TMEM178B: variants seen among roughly 807,000 people sequenced by gnomAD.
The protein encoded by TMEM178B is transmembrane protein 178B.
A neutral mutation model predicts 31.0 loss-of-function variants in TMEM178B; 5 were observed. The ratio of observed to expected loss-of-function variants is 0.16; its 90% CI spans 0.08 to 0.34. The LOEUF (loss-of-function observed/expected upper bound fraction) is 0.34, where lower values mean the gene tolerates loss of function less well. Ranked by LOEUF, TMEM178B falls within the 10% of genes least tolerant of loss-of-function variation. The pLI is 1.00. For synonymous variants in TMEM178B, 164 were observed against 164.0 expected (o/e 1.00, Z 0.00); for missense variants, 275 against 400.3 (o/e 0.69, Z 2.67).
intron 1 of TMEM178B, among the ~76,000 whole-genome samples, chr7:141,127,275 G>A (rs759598136): frequency 2.0e-5 from 3 of 152,122 alleles, no homozygotes; most frequent in Non-Finnish European, 4.4e-5. Flanking sequence ...GACTCACCTG[G>A]GAACTGTTTT....
At chr7:141,345,010 G>T (rs1200482980) in intron 2 of TMEM178B, among the ~76,000 whole-genome samples, 1 of 152,196 alleles carries the variant, frequency 6.6e-6, no homozygotes, top group Non-Finnish European at 1.5e-5. Flanking sequence ...CTTTTATGAA[G>T]AGATTAAAAC....
intron 1 of TMEM178B, among the ~76,000 whole-genome samples, chr7:141,157,499 C>T (rs1297048651): frequency 6.6e-6 from 1 of 151,938 alleles, no homozygotes; most frequent in Non-Finnish European, 1.5e-5. Flanking sequence ...CTCAAAGCAC[C>T]CAGGGACAAT....
chr7:141,181,630 A>G (rs1360287192), intron 1 of TMEM178B, among the ~76,000 whole-genome samples: 1 of 152,218 alleles, frequency 6.6e-6, no homozygotes, highest in Non-Finnish European at 1.5e-5. Flanking sequence ...CAAATCTGCA[A>G]TTAGCATTAA....
chr7:141,289,927 G>T (rs1798517607), intron 2 of TMEM178B, among the ~76,000 whole-genome samples: 1 of 151,848 alleles, frequency 6.6e-6, no homozygotes, highest in Admixed American at 6.6e-5. Context: ...TTAAGGCCAA[G>T]AATTAGAGGC....
intron 3 of TMEM178B, among the ~76,000 whole-genome samples, chr7:141,452,496 C>T (rs78853076): frequency 0.049 from 7,529 of 152,262 alleles, 396 homozygotes; most frequent in East Asian, 0.21. Context: ...CAATTGCCAG[C>T]ATCTGCCAAT....
chr7:141,108,983 T>C (rs1795191468), intron 1 of TMEM178B, among the ~76,000 whole-genome samples: 1 of 152,012 alleles, frequency 6.6e-6, no homozygotes, highest in South Asian at 2.1e-4. Flanking sequence ...AGAGAGAGAA[T>C]GAGAGCCAAG....
chr7:141,466,525 A>G (rs183063208), intron 3 of TMEM178B, among the ~76,000 whole-genome samples: 87 of 152,348 alleles, frequency 5.7e-4, no homozygotes, highest in African/African-American at 2.1e-3. Context: ...CTTGAGGTTG[A>G]CGTCCTGTTT....
At chr7:141,347,239 G>A (rs1182587372) in intron 2 of TMEM178B, among the ~76,000 whole-genome samples, 1 of 152,170 alleles carries the variant, frequency 6.6e-6, no homozygotes, top group Non-Finnish European at 1.5e-5. Context: ...ATAAAGAAAA[G>A]AGAGGTGTGT....
intron 1 of TMEM178B, among the ~76,000 whole-genome samples, chr7:141,100,536 AATC>A (rs1295677810): frequency 6.6e-6 from 1 of 152,194 alleles, no homozygotes; most frequent in East Asian, 1.9e-4. Flanking sequence ...CTGGCTCCCT[AATC>A]ATCATGTGTT....
chr7:141,228,935 C>G (rs1049420797), intron 2 of TMEM178B, among the ~76,000 whole-genome samples: 1 of 150,396 alleles, frequency 6.6e-6, no homozygotes, highest in Non-Finnish European at 1.5e-5. Context: ...CTTTCCAAGA[C>G]TATAATTCAT....
At position 141,433,045 on chromosome 7, in the gene TMEM178B, T is replaced by C. The variant is rs989410177; in HGVS notation, c.497-4563T>C. 3.9e-5 allele frequency among the ~76,000 whole-genome samples: 6 copies of C among 152,282 alleles called. No individual in the cohort carries two copies. In the South Asian group the frequency reaches 8.3e-4, roughly 21 times the overall value. On this transcript the variant is annotated intron_variant, in intron 2 of 3. Transcript: ENST00000565468. ...TCAATGCTAAAACTCAACATCCATA[T>C]GCACACAGTCCGTAACTCCATCAGG...
At chr7:141,143,737 T>C (rs1795810312) in intron 1 of TMEM178B, among the ~76,000 whole-genome samples, 1 of 152,220 alleles carries the variant, frequency 6.6e-6, no homozygotes, top group African/African-American at 2.4e-5. Context: ...TAATAGTTTT[T>C]TTCTAGTCTG....
chr7:141,360,238 A>C (rs1799894417), intron 2 of TMEM178B, among the ~76,000 whole-genome samples: 1 of 152,206 alleles, frequency 6.6e-6, no homozygotes, highest in African/African-American at 2.4e-5. Flanking sequence ...AGATAAGGAT[A>C]GGGAAGGGAA....
chr7:141,399,907 A>G (rs1800729898), intron 2 of TMEM178B, among the ~76,000 whole-genome samples: 1 of 152,104 alleles, frequency 6.6e-6, no homozygotes, highest in Non-Finnish European at 1.5e-5. Context: ...CTATATTTGA[A>G]AATAAGTGCA....
At chr7:141,373,849 C>A (rs1800162798) in intron 2 of TMEM178B, among the ~76,000 whole-genome samples, 1 of 152,164 alleles carries the variant, frequency 6.6e-6, no homozygotes, top group African/African-American at 2.4e-5. Context: ...ATATTTAAAC[C>A]TCTGCTCAGG....
intron 1 of TMEM178B, among the ~76,000 whole-genome samples, chr7:141,186,574 C>T (rs1796612883): frequency 6.6e-6 from 1 of 152,130 alleles, no homozygotes; most frequent in African/African-American, 2.4e-5. Flanking sequence ...CTTATAGTCC[C>T]CTCTTCACTT....
intron 1 of TMEM178B, among the ~76,000 whole-genome samples, chr7:141,087,790 GATC>G (rs1453650222): frequency 6.6e-6 from 1 of 152,196 alleles, no homozygotes; most frequent in Non-Finnish European, 1.5e-5. Flanking sequence ...CTTATGTTAA[GATC>G]ATGTGTTTCT....
At chr7:141,401,661 C>A (rs906246643) in intron 2 of TMEM178B, among the ~76,000 whole-genome samples, 1 of 152,094 alleles carries the variant, frequency 6.6e-6, no homozygotes, top group African/African-American at 2.4e-5. Flanking sequence ...CCAACTTGGC[C>A]TCCTAAAGTG....
rs537664261 is a variant in TMEM178B at position 141,242,809 on chromosome 7, C to T, written c.496+30105C>T. On this transcript the variant is annotated intron_variant, in intron 2 of 3. Transcript: ENST00000565468. Reference sequence around the variant, plus strand: ...TTGCTCACCTCTGCCTCCCAGAGTGCGGGGGTTACAGGCATGAGCCACCGT... The same window carrying T: ...TTGCTCACCTCTGCCTCCCAGAGTGTGGGGGTTACAGGCATGAGCCACCGT... Among the ~76,000 whole-genome samples, 7 of 152,124 alleles carry T rather than the reference C, an allele frequency of 4.6e-5. No individual in the cohort carries two copies. The East Asian group carries it at 5.8e-4, about 13-fold the overall frequency.
Sources: gnomAD v4.1 joint callset for allele counts (sites outside exome capture counted in the v4.1 genomes callset) on GRCh38, gnomAD v4.1.1 for gene constraint, MANE v1.5 for transcripts, NCBI Gene and HGNC (gene_info 2026-07-23, HGNC 2026-07-21) for gene names.